UBE2QL1: variants seen among roughly 807,000 people sequenced by gnomAD.
The protein encoded by UBE2QL1 is ubiquitin-conjugating enzyme E2Q-like protein 1.
In UBE2QL1, 5 loss-of-function variants were observed where a neutral mutation model predicts 12.6. The ratio of observed to expected loss-of-function variants is 0.40; its 90% CI spans 0.21 to 0.83. The LOEUF (loss-of-function observed/expected upper bound fraction) is 0.83, where lower values mean the gene tolerates loss of function less well. UBE2QL1 is among the 40% of genes least tolerant of loss of function. The probability of loss-of-function intolerance (pLI) is 0.37; values close to 1 mark genes in which losing one functional copy is unlikely to be tolerated. For synonymous variants in UBE2QL1, 96 were observed against 94.5 expected (o/e 1.02, Z -0.10); for missense variants, 99 against 222.6 (o/e 0.44, Z 3.53).
At position 6,478,175 on chromosome 5, in the gene UBE2QL1, G is replaced by T. The variant is rs272464; in HGVS notation, c.355-13043G>T. Among the ~76,000 whole-genome samples the T allele has an allele frequency of 0.87, 132,138 of 152,240 alleles. 58,056 individuals are homozygous for T. Among genetic ancestry groups the T allele is most frequent in the South Asian group, 0.96 (4,631 of 4,824 alleles). On this transcript the variant is annotated intron_variant, in intron 1 of 1. Coordinates refer to ENST00000399816, the MANE Select transcript of UBE2QL1 (RefSeq NM_001145161.3). This position sits in a 1 kb window ranked among gnomAD's most constrained non-coding sequence, Gnocchi z 4.5. ...TTGTGCCCAGATCATATTTTCACAC[G>T]GAAATTTTACCTGAAAATATATCTG...
intron 1 of UBE2QL1, among the ~76,000 whole-genome samples, chr5:6,480,075 G>A (rs980491687): frequency 2.6e-5 from 4 of 152,308 alleles, no homozygotes; most frequent in African/African-American, 4.8e-5. Context: ...CACTTTTTTC[G>A]TTTGTGTTTG....
chr5:6,469,927 A>G (rs188324099), intron 1 of UBE2QL1, among the ~76,000 whole-genome samples: 113 of 152,220 alleles, frequency 7.4e-4, no homozygotes, highest in Non-Finnish European at 1.2e-3. Flanking sequence ...GGAATCAGAC[A>G]CCCCTCTGTG....
At chr5:6,449,603 A>C (rs948011517) in intron 1 of UBE2QL1, among the ~76,000 whole-genome samples, 17 of 139,596 alleles carry the variant, frequency 1.2e-4, no homozygotes, top group South Asian at 4.8e-4. Flanking sequence ...CCTCTCCCAT[A>C]CCCTCCTCTC....
intron 1 of UBE2QL1, among the ~76,000 whole-genome samples, chr5:6,457,565 C>T (rs200121248): frequency 1.3e-5 from 1 of 75,456 alleles, no homozygotes; most frequent in Non-Finnish European, 2.4e-5. Context: ...TGCGATGCAA[C>T]GTAAGTGCTT....
chr5:6,479,876 G>A lies in UBE2QL1; in HGVS notation c.355-11342G>A, dbSNP rs1474452901. ...GTAGCGTGTGCCGAGGCCCCCACAT[G>A]TGCTGCAAAGACCAGAATGTACGTA... On this transcript the variant is annotated intron_variant, in intron 1 of 1. Coordinates refer to ENST00000399816, the MANE Select transcript of UBE2QL1 (RefSeq NM_001145161.3). The surrounding 1 kb of genome is among the most constrained non-coding windows in gnomAD (Gnocchi z 4.2). 6.6e-6 allele frequency among the ~76,000 whole-genome samples: 1 copy of A among 152,188 alleles called. No individual in the cohort carries two copies. The highest frequency in any genetic ancestry group is 1.5e-5 in the Non-Finnish European group (1 of 68,034).
chr5:6,475,684 G>A (rs1402969835), intron 1 of UBE2QL1, among the ~76,000 whole-genome samples: 5 of 151,192 alleles, frequency 3.3e-5, no homozygotes, highest in Admixed American at 6.6e-5. Flanking sequence ...AGGGCCCGGG[G>A]GAAGTGTGAG....
At position 6,478,103 on chromosome 5, in the gene UBE2QL1, A is replaced by G. The variant is rs1294101605; in HGVS notation, c.355-13115A>G. On this transcript the variant is annotated intron_variant, in intron 1 of 1. Coordinates refer to ENST00000399816, the MANE Select transcript of UBE2QL1 (RefSeq NM_001145161.3). The surrounding 1 kb of genome is among the most constrained non-coding windows in gnomAD (Gnocchi z 4.5). ...TAGAGTCTTATTATTGCTGTGCTTT[A>G]TTGCAAAAACAGACTATTTGAGAAA... is the stretch of plus-strand genomic sequence containing the variant. 6.6e-6 allele frequency among the ~76,000 whole-genome samples: 1 copy of G among 152,260 alleles called. No individual in the cohort carries two copies. Among genetic ancestry groups the G allele is most frequent in the Non-Finnish European group, 1.5e-5 (1 of 68,046 alleles).
intron 1 of UBE2QL1, among the ~76,000 whole-genome samples, chr5:6,454,152 G>A (rs1435217056): frequency 1.3e-5 from 2 of 152,158 alleles, no homozygotes; most frequent in East Asian, 3.9e-4. Context: ...AGAGTATTGG[G>A]ATTACAGGTG....
intron 1 of UBE2QL1, among the ~76,000 whole-genome samples, chr5:6,484,207 C>T (rs898376259): frequency 4.6e-5 from 7 of 152,220 alleles, no homozygotes; most frequent in Non-Finnish European, 1.0e-4. Flanking sequence ...ACAGGGAGCG[C>T]AGAAGCCTGA....
intron 1 of UBE2QL1, among the ~76,000 whole-genome samples, chr5:6,466,596 C>T (rs1224208927): frequency 1.3e-5 from 2 of 152,224 alleles, no homozygotes; most frequent in African/African-American, 4.8e-5. Flanking sequence ...GAGTTGATGT[C>T]CTTCAGGCAC....
Position 6,449,550 on chromosome 5 carries a change from C to G in UBE2QL1, c.354+303C>G, listed in dbSNP as rs560195408. Among the ~76,000 whole-genome samples, 137 of 152,158 alleles carry G rather than the reference C, an allele frequency of 9.0e-4. 1 individual carries two copies. Among genetic ancestry groups the G allele is most frequent in the African/African-American group, 3.1e-3 (127 of 41,534 alleles). ...GTCTCTCTAGCTTGCTCATTCTCTC[C>G]TCATCCCTTCATAGTTCTCTTCCAT... is the stretch of plus-strand genomic sequence containing the variant. On this transcript the variant is annotated intron_variant, in intron 1 of 1. Coordinates refer to ENST00000399816, the MANE Select transcript of UBE2QL1 (RefSeq NM_001145161.3).
At chr5:6,461,540 A>G (rs62331849) in intron 1 of UBE2QL1, among the ~76,000 whole-genome samples, 1 of 46,772 alleles carries the variant, frequency 2.1e-5, no homozygotes, top group Non-Finnish European at 4.8e-5. Flanking sequence ...TTCAGCACCC[A>G]CCACCCCCCC....
chr5:6,451,003 G>A (rs191687908), intron 1 of UBE2QL1, among the ~76,000 whole-genome samples: 1 of 152,328 alleles, frequency 6.6e-6, no homozygotes, highest in East Asian at 1.9e-4. Context: ...ATTCTTTGCA[G>A]AAATGCCTTG....
intron 1 of UBE2QL1, among the ~76,000 whole-genome samples, chr5:6,489,973 C>T (rs977056199): frequency 5.3e-5 from 8 of 152,170 alleles, no homozygotes; most frequent in African/African-American, 1.9e-4. Context: ...ATTCTGTTCG[C>T]GAAGGTTCCT....
Position 6,481,250 on chromosome 5 carries a change from C to T in UBE2QL1, c.355-9968C>T, listed in dbSNP as rs1734353313. Among the ~76,000 whole-genome samples, 1 of 152,160 alleles carries T rather than the reference C, an allele frequency of 6.6e-6. No homozygotes were observed. The highest frequency in any genetic ancestry group is 2.4e-5 in the African/African-American group (1 of 41,418). ...CCAAACACACCCATCCTCCCAGGACCCCACAGCCTGCTCCTAAGACAGCGT... is the reference window on the plus strand; with the variant it reads ...CCAAACACACCCATCCTCCCAGGACTCCACAGCCTGCTCCTAAGACAGCGT... On this transcript the variant is annotated intron_variant, in intron 1 of 1. Transcript: ENST00000399816. This position sits in a 1 kb window ranked among gnomAD's most constrained non-coding sequence, Gnocchi z 4.5.
intron 1 of UBE2QL1, among the ~76,000 whole-genome samples, chr5:6,455,946 G>A (rs1427014806): frequency 2.0e-5 from 3 of 152,146 alleles, no homozygotes; most frequent in Non-Finnish European, 4.4e-5. Context: ...TGTAGACTAC[G>A]AGGGAGTGTA....
At chr5:6,449,626 G>A (rs1739370891) in intron 1 of UBE2QL1, among the ~76,000 whole-genome samples, 1 of 150,852 alleles carries the variant, frequency 6.6e-6, no homozygotes, top group Admixed American at 6.6e-5. Flanking sequence ...TTTCCTCCTG[G>A]ACTCTTTCTC....
chr5:6,471,013 TC>T (rs1358965158), intron 1 of UBE2QL1, among the ~76,000 whole-genome samples: 1 of 152,224 alleles, frequency 6.6e-6, no homozygotes, highest in Non-Finnish European at 1.5e-5. Context: ...GCATATCTCA[TC>T]TTTTTTGGCT....
chr5:6,470,216 A>G (rs981164285), intron 1 of UBE2QL1, among the ~76,000 whole-genome samples: 1 of 152,196 alleles, frequency 6.6e-6, no homozygotes, highest in African/African-American at 2.4e-5. Context: ...CCTCCAGGTG[A>G]TCCATGTGTG....
Sources: gnomAD v4.1 joint callset for allele counts (sites outside exome capture counted in the v4.1 genomes callset) on GRCh38, gnomAD v4.1.1 for gene constraint, Gnocchi (gnomAD v3.1) non-coding constraint, MANE v1.5 for transcripts, NCBI Gene and HGNC (gene_info 2026-07-23, HGNC 2026-07-21) for gene names.